CACNA1C: variants seen among roughly 807,000 people sequenced by gnomAD.
The protein encoded by CACNA1C is calcium voltage-gated channel subunit alpha1 C.
In CACNA1C, 30 loss-of-function variants were observed where a neutral mutation model predicts 229.0. That is an observed-to-expected ratio of 0.13 (90% CI 0.10 to 0.18). The LOEUF (loss-of-function observed/expected upper bound fraction) is 0.18. CACNA1C is among the 10% of genes least tolerant of loss of function. The pLI, the probability that CACNA1C is intolerant of heterozygous loss-of-function variation, is 1.00. For missense variants in CACNA1C, 1,658 were observed against 2,845.0 expected (o/e 0.58, Z 9.49); for synonymous variants, 1,114 against 1,132.5 (o/e 0.98, Z 0.33).
At chr12:2,596,303 TG>T (rs2068150844) in intron 20 of CACNA1C, 1 of 273,600 alleles carries the variant, frequency 3.7e-6, no homozygotes, top group Non-Finnish European at 6.9e-6. Flanking sequence ...TAGTAAAATG[TG>T]GCCACTGACT....
intron 11 of CACNA1C, among the ~76,000 whole-genome samples, chr12:2,564,835 A>G (rs1232844963): frequency 6.6e-6 from 1 of 152,016 alleles, no homozygotes; most frequent in Non-Finnish European, 1.5e-5. Flanking sequence ...AGAATTCCTC[A>G]TACTCTCCCT....
chr12:2,330,541 T>C (rs1221985976), intron 3 of CACNA1C, among the ~76,000 whole-genome samples: 2 of 152,240 alleles, frequency 1.3e-5, no homozygotes, highest in Non-Finnish European at 2.9e-5. Flanking sequence ...AGCTGGCGAC[T>C]TGATTTGAAT....
At chr12:2,297,876 C>CCACA (rs763928647) in intron 3 of CACNA1C, among the ~76,000 whole-genome samples, 1 of 150,916 alleles carries the variant, frequency 6.6e-6, no homozygotes, top group Non-Finnish European at 1.5e-5. Flanking sequence ...AAACCTAAAA[C>CCACA]CACACACACA....
At chr12:2,061,160 T>C (rs1003108473) in intron 1 of CACNA1C, among the ~76,000 whole-genome samples, 1 of 150,716 alleles carries the variant, frequency 6.6e-6, no homozygotes, top group Non-Finnish European at 1.5e-5. Context: ...AAAGTGGAGA[T>C]AATAATCCTT....
chr12:2,061,265 A>G (rs976707244), intron 1 of CACNA1C, among the ~76,000 whole-genome samples: 7 of 152,206 alleles, frequency 4.6e-5, no homozygotes, highest in African/African-American at 1.2e-4. Context: ...TCTCCCCATC[A>G]GCGAGCAGAG....
chr12:2,161,776 G>T (rs2238041), intron 3 of CACNA1C, among the ~76,000 whole-genome samples: 55,084 of 152,092 alleles, frequency 0.36, 10,973 homozygotes, highest in East Asian at 0.53. Flanking sequence ...AGAAAGCCAG[G>T]CTGGAGACCG....
intron 11 of CACNA1C, among the ~76,000 whole-genome samples, chr12:2,564,669 G>A (rs2049335882): frequency 6.6e-6 from 1 of 152,118 alleles, no homozygotes; most frequent in Middle Eastern, 3.2e-3. Flanking sequence ...AGCTAAAAAT[G>A]TTGGCAGTCC....
chr12:2,233,889 A>G (rs1424170696), intron 3 of CACNA1C, among the ~76,000 whole-genome samples: 1 of 152,108 alleles, frequency 6.6e-6, no homozygotes, highest in East Asian at 1.9e-4. Context: ...TCCACCTACA[A>G]GTCAAGTTGG....
chr12:2,660,038 A>G, intron 34 of CACNA1C: 1 of 168,258 alleles, frequency 5.9e-6, no homozygotes, highest in South Asian at 1.8e-4. Flanking sequence ...ATGGCCTCAG[A>G]AGTCGCTGGT....
chr12:2,443,821 A>C (rs1008862481), intron 3 of CACNA1C, among the ~76,000 whole-genome samples: 1 of 152,160 alleles, frequency 6.6e-6, no homozygotes, highest in East Asian at 1.9e-4. Flanking sequence ...TGACAGCACA[A>C]CGTATGTTTT....
intron 9 of CACNA1C, among the ~76,000 whole-genome samples, chr12:2,544,000 A>G (rs1568332573): frequency 6.6e-6 from 1 of 152,110 alleles, no homozygotes; most frequent in African/African-American, 2.4e-5. Context: ...TCCACCCCCT[A>G]TATCTCCAGA....
rs2099740921 is a variant in CACNA1C, at chr12:2,493,678, C to T, written c.1113+292C>T. 6.6e-6 allele frequency among the ~76,000 whole-genome samples: 1 copy of T among 152,162 alleles called. No individual in the cohort carries two copies. The highest frequency in any genetic ancestry group is 1.5e-5 in the Non-Finnish European group (1 of 68,020). On this transcript the variant is annotated intron_variant, in intron 7 of 46. Transcript: ENST00000399655. This position sits in a 1 kb window ranked among gnomAD's most constrained non-coding sequence, Gnocchi z 4.6. ...TGCAGGCATGGATGAGCTGGCCAGG[C>T]TGGCACAAGGGTTCCGTTCAACTCC...
chr12:2,509,611 G>A (rs1393250818), intron 8 of CACNA1C, among the ~76,000 whole-genome samples: 2 of 152,192 alleles, frequency 1.3e-5, no homozygotes, highest in Non-Finnish European at 2.9e-5. Flanking sequence ...TTTAATGCAC[G>A]TGTTTTCTCT....
At chr12:2,690,363 T>G (rs1181119813) in intron 46 of CACNA1C, among the ~76,000 whole-genome samples, 2 of 152,212 alleles carry the variant, frequency 1.3e-5, no homozygotes, top group African/African-American at 4.8e-5. Flanking sequence ...AGGGTCTCGC[T>G]CTGTCACCCA....
At chr12:2,076,851 G>A (rs1297204790) in intron 1 of CACNA1C, among the ~76,000 whole-genome samples, 1 of 152,194 alleles carries the variant, frequency 6.6e-6, no homozygotes, top group East Asian at 1.9e-4. Context: ...CGCAGTTGCT[G>A]TGTGTGAAGG....
At chr12:2,352,183 AG>A (rs1470879269) in intron 3 of CACNA1C, among the ~76,000 whole-genome samples, 2 of 152,156 alleles carry the variant, frequency 1.3e-5, no homozygotes, top group African/African-American at 4.8e-5. Flanking sequence ...CTAATGTCCC[AG>A]ACCTGCACTG....
Position 2,606,886 on chromosome 12 carries a change from A to T in CACNA1C, c.3210-98A>T, listed in dbSNP as rs940462196. ...TGGCTAGAACGGTGAAGTTCAAGCC[A>T]GGCAGTCCCATCCCACCCAGCATTC... On this transcript the variant is annotated intron_variant, in intron 25 of 46. Coordinates refer to ENST00000399655, the MANE Select transcript of CACNA1C (RefSeq NM_000719.7). The T allele has an allele frequency of 3.6e-6, 5 of 1,401,690 alleles. No homozygotes were observed. In the Admixed American group the frequency reaches 5.5e-5, roughly 15 times the overall value. 86.8% of individuals were successfully genotyped at this position (1,401,690 alleles called of 1,614,324 possible). A position where few individuals can be genotyped will look rare whatever the true frequency, so the allele number is the denominator to read the frequency against.
intron 3 of CACNA1C, among the ~76,000 whole-genome samples, chr12:2,212,522 T>C (rs1395449212): frequency 1.3e-5 from 2 of 152,274 alleles, no homozygotes; most frequent in African/African-American, 4.8e-5. Flanking sequence ...GCATACTTGC[T>C]AACTTATTTT....
chr12:2,317,592 T>C (rs942542047), intron 3 of CACNA1C, among the ~76,000 whole-genome samples: 5 of 152,192 alleles, frequency 3.3e-5, no homozygotes, highest in African/African-American at 1.2e-4. Context: ...TGAGTGTATA[T>C]AACACTCCTG....
Sources: allele counts gnomAD v4.1 joint callset (sites outside exome capture counted in the v4.1 genomes callset), GRCh38; gene constraint gnomAD v4.1.1; non-coding constraint Gnocchi (gnomAD v3.1); transcripts MANE v1.5; gene names NCBI Gene and HGNC (gene_info 2026-07-23, HGNC 2026-07-21).